FILIP1L: variants seen among roughly 807,000 people sequenced by gnomAD.
FILIP1L encodes filamin A interacting protein 1 like, also known as filamin A-interacting protein 1-like.
FILIP1L carries 55 observed loss-of-function variants against 96.6 expected under a neutral mutation model. That is an observed-to-expected ratio of 0.57 (90% CI 0.46 to 0.71). The LOEUF (loss-of-function observed/expected upper bound fraction) is 0.71. FILIP1L is among the 30% of genes least tolerant of loss of function. FILIP1L has a pLI of 0.00. For missense variants in FILIP1L, 1,304 were observed against 1,321.2 expected (o/e 0.99, Z 0.20); for synonymous variants, 467 against 473.9 (o/e 0.99, Z 0.19).
At chr3:99,834,194 G>A (rs1261235798) in intron 5 of FILIP1L, among the ~76,000 whole-genome samples, 1 of 152,144 alleles carries the variant, frequency 6.6e-6, no homozygotes, top group Non-Finnish European at 1.5e-5. Flanking sequence ...ATCACTACAA[G>A]TTTTACGCTT....
intron 5 of FILIP1L, among the ~76,000 whole-genome samples, chr3:99,837,758 T>A (rs901023589): frequency 3.9e-5 from 6 of 152,232 alleles, no homozygotes; most frequent in African/African-American, 1.2e-4. Context: ...GTTACAGTGT[T>A]CCTTGAGAAA....
chr3:99,954,256 G>A (rs188037881), intron 1 of FILIP1L, among the ~76,000 whole-genome samples: 8 of 152,310 alleles, frequency 5.3e-5, no homozygotes, highest in African/African-American at 1.9e-4. Context: ...TTGAGCCCAG[G>A]TCATCTAATT....
At chr3:100,058,885 T>C (rs2065510980) in intron 1 of FILIP1L, among the ~76,000 whole-genome samples, 1 of 152,264 alleles carries the variant, frequency 6.6e-6, no homozygotes, top group Non-Finnish European at 1.5e-5. Context: ...CTAGAACCTT[T>C]TTCTTTCTGA....
chr3:99,895,600 C>G (rs1706226112), intron 4 of FILIP1L, among the ~76,000 whole-genome samples: 1 of 151,796 alleles, frequency 6.6e-6, no homozygotes, highest in Non-Finnish European at 1.5e-5. Context: ...TTTTTTTAAC[C>G]TATAGATTGG....
chr3:99,853,253 G>A (rs952575868), intron 4 of FILIP1L, among the ~76,000 whole-genome samples: 2 of 152,176 alleles, frequency 1.3e-5, no homozygotes, highest in African/African-American at 2.4e-5. Flanking sequence ...GAATTCATTC[G>A]ATGTAATGGT....
At chr3:99,881,511 A>G (rs1705726485) in intron 4 of FILIP1L, among the ~76,000 whole-genome samples, 1 of 151,614 alleles carries the variant, frequency 6.6e-6, no homozygotes, top group Admixed American at 6.6e-5. Context: ...ACCTTGTCAT[A>G]TAATTTGTAG....
intron 4 of FILIP1L, among the ~76,000 whole-genome samples, chr3:99,916,544 TA>T (rs2107645466): frequency 6.6e-6 from 1 of 152,226 alleles, no homozygotes; most frequent in Non-Finnish European, 1.5e-5. Flanking sequence ...GAGTGCTTTT[TA>T]TGTGCTAGAC....
intron 1 of FILIP1L, among the ~76,000 whole-genome samples, chr3:100,080,387 G>T (rs2065913849): frequency 6.6e-6 from 1 of 152,110 alleles, no homozygotes; most frequent in Admixed American, 6.6e-5. Flanking sequence ...TTTACAGAGG[G>T]TTTCTCAGAC....
At chr3:100,079,832 G>T (rs1216698043) in intron 1 of FILIP1L, among the ~76,000 whole-genome samples, 2 of 151,714 alleles carry the variant, frequency 1.3e-5, no homozygotes, top group Non-Finnish European at 2.9e-5. Flanking sequence ...AAAAAATCAA[G>T]ATTTGATATC....
Position 99,880,718 on chromosome 3 carries a change from C to A in FILIP1L, c.606-29648G>T, listed in dbSNP as rs572363433. 2.0e-5 allele frequency among the ~76,000 whole-genome samples: 3 copies of A among 151,928 alleles called. No homozygotes were observed. The South Asian group carries it at 6.2e-4, about 32-fold the overall frequency. On this transcript the variant is annotated intron_variant, in intron 4 of 5. Transcript: ENST00000477258. ...TTTTTTATTTTAAAATTAATAGGCA[C>A]CCTTCATAATTTGGAAAATGCATAA...
rs924650538 is a variant in FILIP1L, at chr3:99,869,043, T to C, written c.606-17973A>G. 3.9e-5 allele frequency among the ~76,000 whole-genome samples: 6 copies of C among 152,212 alleles called. No individual in the cohort carries two copies. In the South Asian group the frequency reaches 1.2e-3, roughly 32 times the overall value. On this transcript the variant is annotated intron_variant, in intron 4 of 5. Transcript: ENST00000477258. ...TAGAGAGGTAAAAAGAACCACTTCC[T>C]AGGGGAGTATAACCATCCCTTAGGC...
chr3:100,111,560 C>G (rs1445275858), intron 1 of FILIP1L, among the ~76,000 whole-genome samples: 2 of 152,154 alleles, frequency 1.3e-5, no homozygotes, highest in African/African-American at 4.8e-5. Context: ...TATGAAAAGT[C>G]TCCTCAACCA....
intron 1 of FILIP1L, among the ~76,000 whole-genome samples, chr3:100,028,499 T>G (rs1372205420): frequency 6.6e-6 from 1 of 152,202 alleles, no homozygotes; most frequent in East Asian, 1.9e-4. Context: ...GGAGTATGAT[T>G]TAATTCACGT....
At chr3:99,963,643 G>A (rs1328442788) in intron 1 of FILIP1L, among the ~76,000 whole-genome samples, 3 of 151,208 alleles carry the variant, frequency 2.0e-5, no homozygotes, top group East Asian at 1.9e-4. Flanking sequence ...ACGGAGTGTC[G>A]CTCTGTAGCC....
intron 1 of FILIP1L, among the ~76,000 whole-genome samples, chr3:100,043,581 A>G (rs1258216418): frequency 6.6e-6 from 1 of 152,174 alleles, no homozygotes; most frequent in Non-Finnish European, 1.5e-5. Context: ...CCATCTAACT[A>G]GCCATCCATT....
chr3:99,849,829 G>C lies in FILIP1L; in HGVS notation c.1847C>G (p.Thr616Arg). 1 of 1,611,222 alleles carries C rather than the reference G, an allele frequency of 6.2e-7. No homozygotes were observed. The highest frequency in any genetic ancestry group is 1.3e-5 in the African/African-American group (1 of 74,764). Residue 616 changes from threonine to arginine, a missense_variant, in exon 5 of 6, where the codon ACA becomes AGA. Thr to Arg is a moderately conservative substitution (Grantham distance 71). Coordinates refer to ENST00000477258, the MANE Select transcript of FILIP1L (RefSeq NM_001387850.1). ...CTTATTGTTTTCTTGGTGTAATGCTGTTGTGGATTTCCCAGAGTCTTGATT... is the reference window on the plus strand; with the variant it reads ...CTTATTGTTTTCTTGGTGTAATGCTCTTGTGGATTTCCCAGAGTCTTGATT... ...KLNQDSGKST[T>R]ALHQENNKIK...
chr3:100,031,794 C>T (rs1304167343), intron 1 of FILIP1L, among the ~76,000 whole-genome samples: 1 of 152,100 alleles, frequency 6.6e-6, no homozygotes, highest in Non-Finnish European at 1.5e-5. Context: ...AGGGCAGTGT[C>T]AACAGACTTT....
At chr3:100,038,163 C>T (rs375294459) in intron 1 of FILIP1L, among the ~76,000 whole-genome samples, 1 of 152,084 alleles carries the variant, frequency 6.6e-6, no homozygotes, top group South Asian at 2.1e-4. Flanking sequence ...ACCATACTGG[C>T]CAGGCTGGTC....
At chr3:99,870,753 G>A (rs868840239) in intron 4 of FILIP1L, among the ~76,000 whole-genome samples, 25 of 152,152 alleles carry the variant, frequency 1.6e-4, no homozygotes, top group African/African-American at 5.8e-4. Context: ...TGTAAAATCT[G>A]GGAGATACAC....
Sources: allele counts gnomAD v4.1 joint callset (sites outside exome capture counted in the v4.1 genomes callset), GRCh38; gene constraint gnomAD v4.1.1; transcripts MANE v1.5; gene names NCBI Gene and HGNC (gene_info 2026-07-23, HGNC 2026-07-21).